Variants in C4orf50 observed in about 807,000 individuals in gnomAD.
C4orf50 encodes the protein chromosome 4 open reading frame 50, also known as uncharacterized protein C4orf50.
Under a neutral mutation model 77.2 loss-of-function variants are expected in C4orf50, and 80 were observed. The ratio of observed to expected loss-of-function variants is 1.04; its 90% CI spans 0.87 to 1.25. The LOEUF is 1.25. Among genes scored for constraint, C4orf50 ranks in the 50% most tolerant of loss-of-function variants. The pLI is 0.00. For missense variants in C4orf50, 1,257 were observed against 1,152.9 expected (o/e 1.09, Z -1.31); for synonymous variants, 532 against 465.3 (o/e 1.14, Z -1.84).
intron 25 of C4orf50, among the ~76,000 whole-genome samples, chr4:5,997,981 T>C (rs1721670733): frequency 6.6e-6 from 1 of 152,222 alleles, no homozygotes; most frequent in South Asian, 2.1e-4. Flanking sequence ...TTACCAACTA[T>C]AAGCAGAGCT....
At chr4:5,996,001 G>A (rs774100504) in intron 25 of C4orf50, among the ~76,000 whole-genome samples, 2 of 152,134 alleles carry the variant, frequency 1.3e-5, no homozygotes, top group Non-Finnish European at 2.9e-5. Flanking sequence ...AGGGAGACCC[G>A]CTGATCACCC....
intron 7 of C4orf50, among the ~76,000 whole-genome samples, chr4:5,939,323 A>C (rs560198085): frequency 5.7e-4 from 86 of 152,172 alleles, no homozygotes; most frequent in Non-Finnish European, 1.1e-3. Context: ...ACAACCAGGC[A>C]ACATCCTCTG....
rs1035170389 is a variant in C4orf50, at chr4:5,901,018, C to G, written c.*2475-2830G>C. 6.6e-6 allele frequency: 1 copy of G among 152,226 alleles called. No individual in the cohort carries two copies. Among genetic ancestry groups the G allele is most frequent in the African/African-American group, 2.4e-5 (1 of 41,446 alleles). The allele number at this position is 152,226 out of a possible 1,614,324, so 9.4% of individuals were successfully genotyped here. On this transcript the variant is annotated intron_variant, in intron 7 of 7. Transcript: ENST00000324058. This position sits in a 1 kb window ranked among gnomAD's most constrained non-coding sequence, Gnocchi z 4.4. The stretch of plus-strand genomic sequence containing the variant: ...GAGCGATCAAACCACACTACCTCAG[C>G]GTGTCCCCACTGCCGCCACACCTCC...
At chr4:5,989,800 G>A in exon 28 of C4orf50, 1 of 1,508,738 alleles carries the variant, frequency 6.6e-7, no homozygotes, top group Non-Finnish European at 8.8e-7. Context: ...CTGGGAGTCA[G>A]GCTCCTCGGG....
chr4:5,937,446 A>T (rs1295192129), intron 7 of C4orf50, among the ~76,000 whole-genome samples: 1 of 152,184 alleles, frequency 6.6e-6, no homozygotes, highest in African/African-American at 2.4e-5. Context: ...AGAAAACTTA[A>T]TCAGTTTCAT....
intron 7 of C4orf50, among the ~76,000 whole-genome samples, chr4:5,939,200 G>A (rs776682302): frequency 6.6e-6 from 1 of 151,988 alleles, no homozygotes; most frequent in East Asian, 1.9e-4. Context: ...CCGAGATCGC[G>A]CCATTGCACT....
Position 5,965,015 on chromosome 4 carries a change from C to T in C4orf50, c.4275+9G>A. 1 of 1,606,742 alleles carries T rather than the reference C, an allele frequency of 6.2e-7. No homozygotes were observed. The highest frequency in any genetic ancestry group is 8.5e-7 in the Non-Finnish European group (1 of 1,176,682). On this transcript the variant is annotated intron_variant, in intron 33 of 33. Transcript: ENST00000531445. ...CATTTAGGAAATGAGGTGACAGGTG[C>T]CTTCTCACCTTCAGAGAATCCAGTT... is the stretch of plus-strand genomic sequence containing the variant.
At chr4:5,926,679 A>G (rs1717530126) in intron 7 of C4orf50, among the ~76,000 whole-genome samples, 1 of 152,020 alleles carries the variant, frequency 6.6e-6, no homozygotes, top group African/African-American at 2.4e-5. Context: ...CCGGGCCCAC[A>G]GACCATATTT....
In C4orf50 at chr4:6,018,089, C is replaced by A; in HGVS notation, c.287+56G>T. The A allele has an allele frequency of 2.5e-6, 1 of 397,970 alleles. No individual in the cohort carries two copies. Among genetic ancestry groups the A allele is most frequent in the Non-Finnish European group, 4.4e-6 (1 of 226,062 alleles). 24.7% of individuals were successfully genotyped at this position (397,970 alleles called of 1,614,324 possible). ...ATTCAACACACCATGGTGACACACT[C>A]TGATGGCCCCGCGGTTTGTGAAATA... On this transcript the variant is annotated intron_variant, in intron 23 of 33. Coordinates refer to ENST00000531445, the Ensembl canonical transcript of C4orf50. The surrounding 1 kb of genome is among the most constrained non-coding windows in gnomAD (Gnocchi z 5.1).
At chr4:6,003,571 GTGA>G (rs1686822049) in intron 25 of C4orf50, among the ~76,000 whole-genome samples, 3 of 149,118 alleles carry the variant, frequency 2.0e-5, no homozygotes, top group Non-Finnish European at 4.5e-5. Flanking sequence ...GGTGATTATG[GTGA>G]TGATGTGATG....
chr4:5,968,824 T>C (rs1413742732), intron 31 of C4orf50, among the ~76,000 whole-genome samples: 3 of 152,150 alleles, frequency 2.0e-5, no homozygotes, highest in Non-Finnish European at 4.4e-5. Context: ...TTCGCCTTCG[T>C]AGAGGATACA....
At chr4:6,006,526 C>T (rs773109850) in intron 25 of C4orf50, among the ~76,000 whole-genome samples, 1 of 152,228 alleles carries the variant, frequency 6.6e-6, no homozygotes, top group African/African-American at 2.4e-5. Flanking sequence ...TCAGCTTCTT[C>T]AAATGCAAAA....
chr4:5,945,667 C>T (rs562671380), intron 7 of C4orf50, among the ~76,000 whole-genome samples: 11 of 152,182 alleles, frequency 7.2e-5, no homozygotes, highest in East Asian at 1.9e-4. Flanking sequence ...AGACTTGCCC[C>T]GGCCCCTGCC....
exon 28 of C4orf50, chr4:5,988,351 G>A (rs767882676): frequency 1.9e-6 from 3 of 1,613,682 alleles, no homozygotes; most frequent in Admixed American, 3.3e-5. Context: ...ACCTACCATG[G>A]GGCCATTGCT....
At chr4:6,013,312 C>A (rs919882620) in intron 23 of C4orf50, among the ~76,000 whole-genome samples, 2 of 152,156 alleles carry the variant, frequency 1.3e-5, no homozygotes, top group African/African-American at 4.8e-5. Context: ...TAGCCAGAGT[C>A]AGGCTGAGCA....
intron 7 of C4orf50, among the ~76,000 whole-genome samples, chr4:5,925,179 G>T (rs905919972): frequency 3.9e-5 from 6 of 152,066 alleles, no homozygotes; most frequent in African/African-American, 1.2e-4. Context: ...GAAGAGAAGG[G>T]ACCAGCTGAT....
intron 7 of C4orf50, among the ~76,000 whole-genome samples, chr4:5,912,254 C>A (rs916729643): frequency 2.0e-5 from 2 of 100,122 alleles, no homozygotes; most frequent in Non-Finnish European, 4.1e-5. Context: ...TAGCACTCCA[C>A]TCGTGTGTGT....
rs1469615054 is a variant in C4orf50 at position 5,905,300 on chromosome 4, T to G, written c.*2475-7112A>C. The G allele has an allele frequency of 6.6e-6, 1 of 152,204 alleles. No individual in the cohort carries two copies. Among genetic ancestry groups the G allele is most frequent in the East Asian group, 1.9e-4 (1 of 5,196 alleles). 9.4% of individuals were successfully genotyped at this position (152,204 alleles called of 1,614,324 possible). A position where few individuals can be genotyped will look rare whatever the true frequency, so the allele number is the denominator to read the frequency against. On this transcript the variant is annotated intron_variant, in intron 7 of 7. Coordinates refer to the C4orf50 transcript ENST00000324058. This position sits in a 1 kb window ranked among gnomAD's most constrained non-coding sequence, Gnocchi z 5.4. ...ACAGAGTAGAAGTATTCCCTATTAG[T>G]GACTTGAGACAGGAAGATGGTTGCT...
intron 7 of C4orf50, among the ~76,000 whole-genome samples, chr4:5,941,446 T>C (rs899486221): frequency 6.6e-6 from 1 of 152,186 alleles, no homozygotes; most frequent in Non-Finnish European, 1.5e-5. Flanking sequence ...TTCTACCATC[T>C]CATCCCCCAA....
Sources: allele counts gnomAD v4.1 joint callset (sites outside exome capture counted in the v4.1 genomes callset), GRCh38; gene constraint gnomAD v4.1.1; non-coding constraint Gnocchi (gnomAD v3.1); transcripts MANE v1.5; gene names NCBI Gene and HGNC (gene_info 2026-07-23, HGNC 2026-07-21).